ANK2: variants seen among roughly 807,000 people sequenced by gnomAD.
ANK2 encodes ankyrin-2.
In ANK2, 83 loss-of-function variants were observed where a neutral mutation model predicts 360.5. The ratio of observed to expected loss-of-function variants is 0.23; its 90% CI spans 0.19 to 0.28. The LOEUF (loss-of-function observed/expected upper bound fraction) is 0.28, where lower values mean the gene tolerates loss of function less well. Among genes scored for constraint, ANK2 ranks in the 10% least tolerant of loss-of-function variants. The pLI, the probability that ANK2 is intolerant of heterozygous loss-of-function variation, is 1.00. For missense variants in ANK2, 4,201 were observed against 4,795.7 expected (o/e 0.88, Z 3.66); for synonymous variants, 1,740 against 1,759.5 (o/e 0.99, Z 0.28).
At chr4:113,275,107 C>A (rs774072939) in intron 15 of ANK2, among the ~76,000 whole-genome samples, 5 of 152,178 alleles carry the variant, frequency 3.3e-5, no homozygotes, top group Non-Finnish European at 5.9e-5. Context: ...TACTATTAGC[C>A]ACCACTTATT....
At chr4:113,331,896 C>T (rs1007274604) in intron 27 of ANK2, 76 bp from the exon 28 acceptor site, 139 of 1,351,598 alleles carry the variant, frequency 1.0e-4, no homozygotes, top group Non-Finnish European at 1.2e-4. Context: ...CAGCTGGCGA[C>T]GCTGGGGTTC....
the ANK2 span, among the ~76,000 whole-genome samples, chr4:112,742,061 G>C: frequency 6.6e-6 from 1 of 152,098 alleles, no homozygotes; most frequent in Non-Finnish European, 1.5e-5. Context: ...GGAGACTGAA[G>C]TGGGAGGACT....
chr4:113,207,787 G>T (rs752758379), intron 4 of ANK2, among the ~76,000 whole-genome samples: 43 of 151,864 alleles, frequency 2.8e-4, no homozygotes, highest in Non-Finnish European at 4.9e-4. Context: ...CACTCACTCA[G>T]CAGGTATTTG....
At chr4:112,954,307 T>A (rs893129343) in intron 2 of ANK2, among the ~76,000 whole-genome samples, 1 of 151,550 alleles carries the variant, frequency 6.6e-6, no homozygotes, top group African/African-American at 2.4e-5. Context: ...TGGTATTAGT[T>A]CCCTCTACAG....
intron 2 of ANK2, among the ~76,000 whole-genome samples, chr4:112,942,455 A>G (rs2094296723): frequency 6.6e-6 from 1 of 152,110 alleles, no homozygotes; most frequent in African/African-American, 2.4e-5. Context: ...AAATGATATT[A>G]TGCCCATTTT....
chr4:112,726,765 G>C, the ANK2 span, among the ~76,000 whole-genome samples: 2 of 150,602 alleles, frequency 1.3e-5, no homozygotes, highest in African/African-American at 2.4e-5. Flanking sequence ...GCAGGAGAAT[G>C]GCGTGAACCT....
intron 1 of ANK2, among the ~76,000 whole-genome samples, chr4:112,854,470 C>T (rs1047320980): frequency 6.6e-6 from 1 of 152,126 alleles, no homozygotes; most frequent in Non-Finnish European, 1.5e-5. Flanking sequence ...TTAGGGATAT[C>T]ACTTTGATAG....
At chr4:113,036,516 G>A (rs2061644477) in intron 2 of ANK2, among the ~76,000 whole-genome samples, 1 of 151,712 alleles carries the variant, frequency 6.6e-6, no homozygotes, top group African/African-American at 2.4e-5. Context: ...TAAGACTACA[G>A]ATAATCTTCC....
At chr4:113,024,529 A>G in intron 2 of ANK2, among the ~76,000 whole-genome samples, 1 of 152,192 alleles carries the variant, frequency 6.6e-6, no homozygotes, top group East Asian at 1.9e-4. Context: ...TACTTCTTAT[A>G]ACAAACTGTA....
At position 112,955,969 on chromosome 4, in the gene ANK2, A is replaced by C. The variant is rs1262217689; in HGVS notation, c.21+51455A>C. 2.0e-5 allele frequency among the ~76,000 whole-genome samples: 3 copies of C among 152,356 alleles called. No individual in the cohort carries two copies. The East Asian group carries it at 5.8e-4, about 29-fold the overall frequency. On this transcript the variant is annotated intron_variant, in intron 2 of 30. Transcript: ENST00000503271. Reference sequence around the variant, plus strand: ...AGGAAGTAATGGTAACCAAAACCACAAAAATCATTAAAGTAATTTCTTTTC... The same window carrying C: ...AGGAAGTAATGGTAACCAAAACCACCAAAATCATTAAAGTAATTTCTTTTC...
intron 26 of ANK2, among the ~76,000 whole-genome samples, chr4:113,322,586 G>A (rs1349130953): frequency 1.3e-5 from 2 of 152,130 alleles, no homozygotes; most frequent in Non-Finnish European, 2.9e-5. Context: ...AGTTTTTGTA[G>A]TGTTTTAATT....
rs142689004 is a variant in ANK2 at position 112,987,646 on chromosome 4, GA to G, written c.21+83139del. Among the ~76,000 whole-genome samples, 417 of 151,822 alleles carry G rather than the reference GA, an allele frequency of 2.7e-3. 2 individuals are homozygous for G. Among genetic ancestry groups the G allele is most frequent in the African/African-American group, 9.8e-3 (406 of 41,420 alleles). The stretch of plus-strand genomic sequence containing the variant: ...ACTTGGCTCTGTGAGAGCAGTGTTG[GA>G]AAAAAATGTAATTCAGGAGTATTTT... On this transcript the variant is annotated intron_variant, in intron 2 of 30. Coordinates refer to the ANK2 transcript ENST00000503271.
Position 113,354,332 on chromosome 4 carries a change from C to T in ANK2, c.5714C>T (p.Ser1905Leu), listed in dbSNP as rs368566123. The change falls in exon 38 of 46, where the codon TCG becomes TTG. Residue 1905 changes from serine to leucine, a missense_variant. By Grantham distance (145) the Ser-to-Leu change is moderately radical. Coordinates refer to ENST00000357077, the MANE Select transcript of ANK2 (RefSeq NM_001148.6). ...STKTERHPPV[S>L]PSGKTDKRPP... Reference sequence around the variant, plus strand: ...AAAACAGAAAGACACCCACCTGTTTCGCCTTCAGGCAAAACAGACAAACGT... The same window carrying T: ...AAAACAGAAAGACACCCACCTGTTTTGCCTTCAGGCAAAACAGACAAACGT... The T allele has an allele frequency of 1.1e-5, 17 of 1,614,046 alleles. No individual in the cohort carries two copies. Among genetic ancestry groups the T allele is most frequent in the African/African-American group, 9.3e-5 (7 of 74,932 alleles).
intron 1 of ANK2, among the ~76,000 whole-genome samples, chr4:112,897,727 C>A (rs908511021): frequency 1.3e-5 from 2 of 152,106 alleles, no homozygotes; most frequent in African/African-American, 2.4e-5. Flanking sequence ...CCTGTAATAC[C>A]AAGGCATTGC....
At chr4:113,217,234 C>T (rs1024844588) in intron 4 of ANK2, 1 of 152,150 alleles carries the variant, frequency 6.6e-6, no homozygotes, top group Non-Finnish European at 1.5e-5. Flanking sequence ...CCATCTCTAT[C>T]ACATTTCCCT....
intron 2 of ANK2, among the ~76,000 whole-genome samples, chr4:112,908,273 A>G (rs2085937555): frequency 1.3e-5 from 2 of 152,226 alleles, no homozygotes; most frequent in African/African-American, 4.8e-5. Flanking sequence ...GGTGGATATT[A>G]TAACTTGGTT....
chr4:112,710,152 A>G, the ANK2 span, among the ~76,000 whole-genome samples: 1 of 152,192 alleles, frequency 6.6e-6, no homozygotes, highest in South Asian at 2.1e-4. Flanking sequence ...AAACTGAGCT[A>G]CATACTCAAG....
intron 17 of ANK2, among the ~76,000 whole-genome samples, chr4:113,279,541 C>T (rs1398026774): frequency 6.6e-6 from 1 of 151,814 alleles, no homozygotes; most frequent in East Asian, 1.9e-4. Context: ...CCACTAGGTC[C>T]TTTGTGCCCC....
At chr4:112,739,443 G>C in the ANK2 span, among the ~76,000 whole-genome samples, 1 of 152,044 alleles carries the variant, frequency 6.6e-6, no homozygotes, top group Non-Finnish European at 1.5e-5. Context: ...GTGAAACCTC[G>C]TCTCTACTAA....
Sources: allele counts gnomAD v4.1 joint callset (sites outside exome capture counted in the v4.1 genomes callset), GRCh38; gene constraint gnomAD v4.1.1; transcripts MANE v1.5; gene names NCBI Gene and HGNC (gene_info 2026-07-23, HGNC 2026-07-21).